MACROD2: variants seen among roughly 807,000 people sequenced by gnomAD.
MACROD2 encodes the protein mono-ADP ribosylhydrolase 2.
Under a neutral mutation model 70.4 loss-of-function variants are expected in MACROD2, and 36 were observed. That is an observed-to-expected ratio of 0.51 (90% CI 0.39 to 0.68). The LOEUF (loss-of-function observed/expected upper bound fraction) is 0.68. Ranked by LOEUF, MACROD2 falls within the 30% of genes least tolerant of loss-of-function variation. The pLI is 0.00. For missense variants in MACROD2, 496 were observed against 538.4 expected (o/e 0.92, Z 0.78); for synonymous variants, 172 against 178.8 (o/e 0.96, Z 0.30).
At chr20:15,224,243 G>A (rs573017276) in intron 5 of MACROD2, among the ~76,000 whole-genome samples, 47 of 152,262 alleles carry the variant, frequency 3.1e-4, no homozygotes, top group Non-Finnish European at 5.3e-4. Context: ...AAACCACCAC[G>A]TTTTGTGGTA....
chr20:15,911,746 T>C (rs2097492604), intron 10 of MACROD2, among the ~76,000 whole-genome samples: 2 of 152,210 alleles, frequency 1.3e-5, no homozygotes, highest in African/African-American at 4.8e-5. Flanking sequence ...GGATTATCCA[T>C]AGGAAACAGA....
intron 8 of MACROD2, among the ~76,000 whole-genome samples, chr20:15,734,244 C>T (rs182143296): frequency 6.6e-6 from 1 of 152,144 alleles, no homozygotes; most frequent in African/African-American, 2.4e-5. Flanking sequence ...AAGCATGACG[C>T]CAGAGAGAAG....
chr20:14,839,804 T>C (rs2073067981), intron 5 of MACROD2, among the ~76,000 whole-genome samples: 1 of 152,102 alleles, frequency 6.6e-6, no homozygotes, highest in East Asian at 1.9e-4. Context: ...ATTATAGGTA[T>C]AAGCAGGAAT....
chr20:15,956,220 TA>T (rs1360329539), intron 12 of MACROD2, among the ~76,000 whole-genome samples: 2 of 152,192 alleles, frequency 1.3e-5, no homozygotes, highest in Non-Finnish European at 2.9e-5. Flanking sequence ...GCTTTGTTCT[TA>T]AGGAGTTCTT....
Position 14,202,818 on chromosome 20 carries a change from G to A in MACROD2, c.271+117090G>A, listed in dbSNP as rs1052489811. 3.3e-5 allele frequency among the ~76,000 whole-genome samples: 5 copies of A among 152,300 alleles called. No homozygotes were observed. The South Asian group carries it at 6.2e-4, about 19-fold the overall frequency. On this transcript the variant is annotated intron_variant, in intron 3 of 17. Transcript: ENST00000684519. ...AAGGGTAGTACTTTGGGAGACCAAG[G>A]TGGGTGGATCACTTGAGGTCAGGAG... is the stretch of plus-strand genomic sequence containing the variant.
chr20:15,948,221 T>C (rs1014394793), intron 12 of MACROD2, among the ~76,000 whole-genome samples: 4 of 151,638 alleles, frequency 2.6e-5, no homozygotes, highest in African/African-American at 9.7e-5. Context: ...CTTACTAAAA[T>C]GCTAATTAGG....
chr20:15,636,058 C>T (rs1327129595), intron 8 of MACROD2, among the ~76,000 whole-genome samples: 22 of 102,214 alleles, frequency 2.2e-4, no homozygotes, highest in African/African-American at 7.8e-4. Flanking sequence ...GGCGACAGAG[C>T]GAGGCTCCCT....
At chr20:14,642,680 G>A (rs1262420363) in intron 4 of MACROD2, among the ~76,000 whole-genome samples, 1 of 152,148 alleles carries the variant, frequency 6.6e-6, no homozygotes, top group Non-Finnish European at 1.5e-5. Context: ...GGTTGGTGGA[G>A]CAGTGAGAAC....
At chr20:14,364,939 A>G (rs961594539) in intron 3 of MACROD2, among the ~76,000 whole-genome samples, 8 of 152,154 alleles carry the variant, frequency 5.3e-5, no homozygotes, top group African/African-American at 1.9e-4. Context: ...AAGTTTTCAT[A>G]TAGTGTTCTG....
At chr20:14,580,468 TATC>T (rs748526746) in intron 4 of MACROD2, among the ~76,000 whole-genome samples, 12 of 152,156 alleles carry the variant, frequency 7.9e-5, no homozygotes, top group Admixed American at 5.9e-4. Context: ...AAGTAAATAT[TATC>T]ATTCTCAATA....
At chr20:15,937,251 G>A (rs899862201) in intron 11 of MACROD2, among the ~76,000 whole-genome samples, 1 of 152,142 alleles carries the variant, frequency 6.6e-6, no homozygotes, top group Non-Finnish European at 1.5e-5. Context: ...CTAAGAAATA[G>A]ATTGTAGCCC....
intron 3 of MACROD2, among the ~76,000 whole-genome samples, chr20:14,216,034 CT>C (rs903951554): frequency 4.6e-5 from 7 of 150,912 alleles, no homozygotes; most frequent in Admixed American, 2.0e-4. Context: ...AGCTATTTAT[CT>C]TTTTTTTTAT....
chr20:15,812,112 C>T (rs2063827335), intron 8 of MACROD2, among the ~76,000 whole-genome samples: 1 of 152,214 alleles, frequency 6.6e-6, no homozygotes, highest in Non-Finnish European at 1.5e-5. Context: ...AGCTTGCTTA[C>T]TCCAGCTCAG....
intron 3 of MACROD2, among the ~76,000 whole-genome samples, chr20:14,318,287 C>T (rs1205908757): frequency 1.3e-5 from 2 of 152,158 alleles, no homozygotes; most frequent in Non-Finnish European, 2.9e-5. Flanking sequence ...TATGTGTGCA[C>T]GTAATCAATC....
chr20:14,529,496 AT>A (rs1382623186), intron 4 of MACROD2, among the ~76,000 whole-genome samples: 1 of 152,168 alleles, frequency 6.6e-6, no homozygotes, highest in African/African-American at 2.4e-5. Flanking sequence ...TATGACAATA[AT>A]TTTCATGTCC....
At position 15,560,821 on chromosome 20, in the gene MACROD2, A is replaced by AT. The variant is rs563436345; in HGVS notation, c.645+60983dup. Among the ~76,000 whole-genome samples, 6 of 146,104 alleles carry AT rather than the reference A, an allele frequency of 4.1e-5. No homozygotes were observed. The East Asian group carries it at 6.2e-4, about 15-fold the overall frequency. The stretch of plus-strand genomic sequence containing the variant: ...GATCATAGTCTTTCTGTATAGGTCA[A>AT]TTTTTTTTTCCATTCTTGGACACAT... On this transcript the variant is annotated intron_variant, in intron 8 of 17. Transcript: ENST00000684519.
At chr20:15,605,451 A>AGT (rs1491508756) in intron 8 of MACROD2, among the ~76,000 whole-genome samples, 8 of 108,484 alleles carry the variant, frequency 7.4e-5, no homozygotes, top group Non-Finnish European at 1.5e-4. Context: ...ACAGGATGTA[A>AGT]GCGTGTGTGT....
chr20:15,795,232 C>T (rs796224308), intron 8 of MACROD2, among the ~76,000 whole-genome samples: 8 of 152,164 alleles, frequency 5.3e-5, no homozygotes, highest in South Asian at 4.2e-4. Context: ...TCAGAGTTCA[C>T]ATAGGAGAAC....
At chr20:14,002,878 G>A (rs781041724) in intron 2 of MACROD2, among the ~76,000 whole-genome samples, 3 of 152,128 alleles carry the variant, frequency 2.0e-5, no homozygotes, top group Non-Finnish European at 2.9e-5. Context: ...GTGTTATTAT[G>A]TCTGTATGTA....
Sources: gnomAD v4.1 joint callset for allele counts (sites outside exome capture counted in the v4.1 genomes callset) on GRCh38, gnomAD v4.1.1 for gene constraint, MANE v1.5 for transcripts, NCBI Gene and HGNC (gene_info 2026-07-23, HGNC 2026-07-21) for gene names.